The following ASB9 variants were observed in gnomAD, a reference collection of about 807,000 sequenced individuals.
ASB9 encodes the protein ankyrin repeat and SOCS box containing 9, also known as ankyrin repeat and SOCS box protein 9.
Under a neutral mutation model 16.6 loss-of-function variants are expected in ASB9, and 5 were observed. The ratio of observed to expected loss-of-function variants is 0.30; its 90% CI spans 0.16 to 0.63. The LOEUF (loss-of-function observed/expected upper bound fraction) is 0.63, where lower values mean the gene tolerates loss of function less well. Among genes scored for constraint, ASB9 ranks in the 30% least tolerant of loss-of-function variants. The probability of loss-of-function intolerance (pLI) is 0.82; values close to 1 mark genes in which losing one functional copy is unlikely to be tolerated. For synonymous variants in ASB9, 100 were observed against 86.4 expected, an observed-to-expected ratio of 1.16 and a Z score of -0.87; for missense variants, 216 against 229.4, an observed-to-expected ratio of 0.94 and a Z score of 0.38.
At chrX:15,245,723 G>A (rs1330044969) in intron 6 of ASB9, among the ~76,000 whole-genome samples, 1 of 111,182 alleles carries the variant, frequency 9.0e-6, no homozygotes, top group Non-Finnish European at 1.9e-5. Context: ...GCATGTGCCC[G>A]AGGTCATCTG....
intron 1 of ASB9, among the ~76,000 whole-genome samples, chrX:15,267,042 C>T (rs73189528): frequency 4.7e-5 from 5 of 107,322 alleles, no homozygotes; most frequent in Non-Finnish European, 9.8e-5. Context: ...ATAAAATAAC[C>T]GTGCAGAAGT....
At chrX:15,262,180 T>A (rs1026803060) in intron 1 of ASB9, among the ~76,000 whole-genome samples, 1 of 110,569 alleles carries the variant, frequency 9.0e-6, no homozygotes, top group African/African-American at 3.3e-5. Flanking sequence ...CCACATTTTA[T>A]GTATTCATTC....
chrX:15,250,298 G>C (rs1317989991), intron 5 of ASB9, 132 bp downstream of exon 5: 1 of 696,827 alleles, frequency 1.4e-6, no homozygotes, highest in Non-Finnish European at 2.1e-6. Context: ...AGGGAACACA[G>C]TCAATATGAA....
At chrX:15,269,401 C>T (rs779654046) in intron 1 of ASB9, among the ~76,000 whole-genome samples, 2 of 111,575 alleles carry the variant, frequency 1.8e-5, no homozygotes, top group Non-Finnish European at 3.8e-5. Flanking sequence ...TAAACCCTGC[C>T]CCACCTAAAT....
At chrX:15,258,716 C>T (rs1003563206) in intron 2 of ASB9, 150 bp downstream of exon 2, 10 of 423,584 alleles carry the variant, frequency 2.4e-5, no homozygotes, top group African/African-American at 2.2e-4. Flanking sequence ...AAAATCTATA[C>T]TCATCCTATT....
At chrX:15,244,666 G>A (rs1924507688) in intron 6 of ASB9, 36 bp from the exon 7 acceptor site, 1 of 1,134,248 alleles carries the variant, frequency 8.8e-7, no homozygotes, top group Non-Finnish European at 1.2e-6. Flanking sequence ...ATACAATGGT[G>A]CTATTGATCT....
intron 5 of ASB9, 51 bp from the exon 6 acceptor site, chrX:15,248,986 ATCGGGGCTTTTC>A: frequency 9.4e-7 from 1 of 1,069,036 alleles, no homozygotes; most frequent in South Asian, 3.0e-5. Context: ...GAATCCAACC[ATCGGGGCTTTTC>A]AAAGCCCCGA....
intron 4 of ASB9, 42 bp downstream of exon 4, chrX:15,252,212 C>CT: frequency 8.7e-7 from 1 of 1,153,129 alleles, no homozygotes; most frequent in African/African-American, 1.8e-5. Context: ...TAAGATGTCC[C>CT]TTGAAGGAGT....
At chrX:15,246,150 G>A (rs1181556305) in intron 6 of ASB9, among the ~76,000 whole-genome samples, 3 of 111,945 alleles carry the variant, frequency 2.7e-5, no homozygotes, top group African/African-American at 9.7e-5. Context: ...TACTGATAAA[G>A]CATTACAAAT....
At chrX:15,266,380 C>G (rs142864786) in intron 1 of ASB9, among the ~76,000 whole-genome samples, 220 of 112,131 alleles carry the variant, frequency 2.0e-3, no homozygotes, top group Non-Finnish European at 3.2e-3. Context: ...GTTAATTGAC[C>G]TACAGCCTTA....
intron 4 of ASB9, among the ~76,000 whole-genome samples, chrX:15,251,768 G>A (rs1271478529): frequency 4.4e-5 from 5 of 112,712 alleles, no homozygotes; most frequent in African/African-American, 6.4e-5. Context: ...AAAATTGAAA[G>A]CTTATTTCAT....
intron 5 of ASB9, 128 bp downstream of exon 5, chrX:15,250,302 A>G (rs892557411): frequency 8.4e-5 from 62 of 735,545 alleles, no homozygotes; most frequent in Non-Finnish European, 1.2e-4. Context: ...AACACAGTCA[A>G]TATGAACCCT....
At position 15,250,068 on chromosome X, in the gene ASB9, T is replaced by C. The variant is rs150427827; in HGVS notation, c.568+362A>G. On this transcript the variant is annotated intron_variant, in intron 5 of 6. Coordinates refer to ENST00000380488, the MANE Select transcript of ASB9 (RefSeq NM_001031739.3). ...CTGGTTAAGGTCCCAAATAGGAAGA[T>C]TCAACACTAATCCAACAGCTTTGCA... Among the ~76,000 whole-genome samples the C allele has an allele frequency of 1.1e-4, 12 of 111,783 alleles. No individual in the cohort carries two copies. The East Asian group carries it at 2.8e-3, about 26-fold the overall frequency.
chrX:15,268,765 G>C (rs886283566), intron 1 of ASB9, among the ~76,000 whole-genome samples: 1 of 106,676 alleles, frequency 9.4e-6, no homozygotes, highest in Non-Finnish European at 1.9e-5. Flanking sequence ...AGTGAGTCGA[G>C]ATCGCGCCAC....
At chrX:15,257,120 G>A (rs1047381370) in intron 2 of ASB9, among the ~76,000 whole-genome samples, 1 of 111,399 alleles carries the variant, frequency 9.0e-6, no homozygotes, top group Non-Finnish European at 1.9e-5. Context: ...TTGTAAAACC[G>A]GCATTTAGAC....
At chrX:15,266,942 A>AG (rs1926471545) in intron 1 of ASB9, among the ~76,000 whole-genome samples, 1 of 12,973 alleles carries the variant, frequency 7.7e-5, no homozygotes, top group Non-Finnish European at 1.4e-4. Flanking sequence ...TCTCAAAAAA[A>AG]AAAAAAAAAA....
chrX:15,245,272 CAG>C (rs1924563487), intron 6 of ASB9, among the ~76,000 whole-genome samples: 1 of 111,223 alleles, frequency 9.0e-6, no homozygotes, highest in African/African-American at 3.3e-5. Context: ...TTTTGCTCCT[CAG>C]GGGACATTTG....
At chrX:15,269,407 T>A (rs1926809351) in intron 1 of ASB9, among the ~76,000 whole-genome samples, 1 of 111,972 alleles carries the variant, frequency 8.9e-6, no homozygotes, top group Non-Finnish European at 1.9e-5. Flanking sequence ...CTGCCCCACC[T>A]AAATGCCAAA....
intron 1 of ASB9, among the ~76,000 whole-genome samples, chrX:15,267,408 TAAA>T (rs1303483090): frequency 2.0e-5 from 1 of 50,149 alleles, no homozygotes; most frequent in Non-Finnish European, 3.7e-5. Context: ...AGACTCCATC[TAAA>T]AAAAAAATAT....
Sources: gnomAD v4.1 joint callset for allele counts (sites outside exome capture counted in the v4.1 genomes callset) on GRCh38, gnomAD v4.1.1 for gene constraint, MANE v1.5 for transcripts, NCBI Gene and HGNC (gene_info 2026-07-23, HGNC 2026-07-21) for gene names.